DCX: variants seen among roughly 807,000 people sequenced by gnomAD.
The protein encoded by DCX is doublecortin, also known as neuronal migration protein doublecortin.
In DCX, 4 loss-of-function variants were observed where a neutral mutation model predicts 20.9. The observed-to-expected ratio is 0.19, with a 90% CI of 0.09 to 0.44. DCX has a LOEUF of 0.44. Ranked by LOEUF, DCX falls within the 20% of genes least tolerant of loss-of-function variation. The pLI is 0.99. For synonymous variants in DCX, 103 were observed against 111.4 expected, an observed-to-expected ratio of 0.92 and a Z score of 0.47; for missense variants, 133 against 296.9, an observed-to-expected ratio of 0.45 and a Z score of 4.06.
At chrX:111,365,365 A>G (rs1924539446) in intron 3 of DCX, among the ~76,000 whole-genome samples, 1 of 110,383 alleles carries the variant, frequency 9.1e-6, no homozygotes, top group South Asian at 3.9e-4. Context: ...TTGTGGGTAC[A>G]TAGTAGGTGT....
intron 2 of DCX, among the ~76,000 whole-genome samples, chrX:111,409,042 G>A (rs1928484184): frequency 9.0e-6 from 1 of 111,637 alleles, no homozygotes; most frequent in African/African-American, 3.3e-5. Flanking sequence ...CTGGATAATG[G>A]GGGAGGGGCT....
chrX:111,397,022 G>A (rs1263741874), intron 3 of DCX, among the ~76,000 whole-genome samples: 1 of 111,357 alleles, frequency 9.0e-6, no homozygotes, highest in Admixed American at 9.5e-5. Flanking sequence ...GAAAGATCAA[G>A]GGCTCTAAAA....
At chrX:111,301,798 T>G in intron 6 of DCX, 55 bp from the exon 7 acceptor site, 28 of 1,056,475 alleles carry the variant, frequency 2.7e-5, no homozygotes, top group Non-Finnish European at 3.6e-5. Flanking sequence ...TCTTGAGCTC[T>G]GGAATGTCTG....
chrX:111,341,825 C>T (rs1158370123), intron 3 of DCX, among the ~76,000 whole-genome samples: 1 of 110,585 alleles, frequency 9.0e-6, no homozygotes, highest in African/African-American at 3.3e-5. Context: ...AAACAAATGC[C>T]GAGGGATTTC....
At chrX:111,305,357 A>G (rs1383415845) in intron 6 of DCX, among the ~76,000 whole-genome samples, 1 of 112,219 alleles carries the variant, frequency 8.9e-6, no homozygotes, top group Non-Finnish European at 1.9e-5. Context: ...TTGCAACATA[A>G]TGTTATGGGA....
chrX:111,359,114 T>G (rs1452941927), intron 3 of DCX, among the ~76,000 whole-genome samples: 1 of 110,672 alleles, frequency 9.0e-6, no homozygotes, highest in African/African-American at 3.3e-5. Context: ...TAAATAACAT[T>G]TTGAAAAAAA....
At chrX:111,348,607 C>T (rs912782644) in intron 3 of DCX, among the ~76,000 whole-genome samples, 2 of 110,550 alleles carry the variant, frequency 1.8e-5, no homozygotes, top group African/African-American at 3.3e-5. Flanking sequence ...GAAACAGAGA[C>T]GAGACAGAAC....
At chrX:111,334,025 C>T (rs1921500102) in intron 3 of DCX, among the ~76,000 whole-genome samples, 1 of 112,315 alleles carries the variant, frequency 8.9e-6, no homozygotes, top group South Asian at 3.7e-4. Flanking sequence ...TATACCACCT[C>T]TTAGTTTGAA....
chrX:111,356,534 T>C (rs201601685), intron 3 of DCX, among the ~76,000 whole-genome samples: 1 of 112,477 alleles, frequency 8.9e-6, no homozygotes, highest in East Asian at 2.8e-4. Flanking sequence ...TATTTTGTTC[T>C]AAGGACGGGG....
At chrX:111,383,632 T>C (rs1429325691) in intron 3 of DCX, among the ~76,000 whole-genome samples, 1 of 111,740 alleles carries the variant, frequency 8.9e-6, no homozygotes, top group Non-Finnish European at 1.9e-5. Flanking sequence ...TTGTCCTTTA[T>C]GGCCCTATGA....
At chrX:111,329,558 G>C (rs947969634) in intron 5 of DCX, among the ~76,000 whole-genome samples, 2 of 111,352 alleles carry the variant, frequency 1.8e-5, no homozygotes, top group Admixed American at 1.9e-4. Context: ...GTATTGCAGA[G>C]ACTGGAACAA....
intron 5 of DCX, among the ~76,000 whole-genome samples, chrX:111,319,915 C>A (rs1158612947): frequency 8.9e-6 from 1 of 112,058 alleles, no homozygotes; most frequent in Admixed American, 9.5e-5. Context: ...CATATGTGTA[C>A]GTTTATATAT....
intron 3 of DCX, among the ~76,000 whole-genome samples, chrX:111,345,401 A>G (rs1461319342): frequency 8.9e-6 from 1 of 112,367 alleles, no homozygotes; most frequent in African/African-American, 3.2e-5. Flanking sequence ...ATAGGTTCTA[A>G]TTAAACTAAA....
At chrX:111,353,930 G>A (rs764231270) in intron 3 of DCX, among the ~76,000 whole-genome samples, 23 of 111,580 alleles carry the variant, frequency 2.1e-4, no homozygotes, top group Non-Finnish European at 3.8e-4. Flanking sequence ...TACAATCATC[G>A]AAACTGCTTG....
At chrX:111,341,845 A>G (rs1464912023) in intron 3 of DCX, among the ~76,000 whole-genome samples, 1 of 111,229 alleles carries the variant, frequency 9.0e-6, no homozygotes, top group Non-Finnish European at 1.9e-5. Flanking sequence ...CATTACCACT[A>G]GGCCTGCCTT....
chrX:111,296,994 T>C lies in DCX; in HGVS notation c.*4693A>G, dbSNP rs1351145468. 1 of 110,470 alleles carries C rather than the reference T, an allele frequency of 9.1e-6. No homozygotes were observed. The highest frequency in any genetic ancestry group is 1.9e-5 in the Non-Finnish European group (1 of 52,849). 9.1% of individuals were successfully genotyped at this position (110,470 alleles called of 1,213,427 possible). On this transcript the variant is annotated 3_prime_UTR_variant, in exon 7 of 7. Transcript: ENST00000636035. The stretch of plus-strand genomic sequence containing the variant: ...AGGCACCTTTTCCTGAAGGGATAGA[T>C]GGGGCAACATTCTCATGCCTCACCC...
rs1464347689 is a variant in DCX at position 111,375,371 on chromosome X, T to C, written c.705+25619A>G. Reference sequence around the variant, plus strand: ...AGAAATCTGGGGGAAAGGTACATGGTAGCCTTTTTTGTACAATTTTTACAA... The same window carrying C: ...AGAAATCTGGGGGAAAGGTACATGGCAGCCTTTTTTGTACAATTTTTACAA... On this transcript the variant is annotated intron_variant, in intron 3 of 6. Transcript: ENST00000636035. Among the ~76,000 whole-genome samples, 3 of 111,389 alleles carry C rather than the reference T, an allele frequency of 2.7e-5. No individual in the cohort carries two copies. In the Admixed American group the frequency reaches 2.9e-4, roughly 11 times the overall value.
chrX:111,400,475 G>A (rs1432784505), intron 3 of DCX, among the ~76,000 whole-genome samples: 1 of 112,025 alleles, frequency 8.9e-6, no homozygotes, highest in Non-Finnish European at 1.9e-5. Flanking sequence ...AATAAATATG[G>A]TTTAGTGTGA....
At chrX:111,360,940 T>C (rs1318849260) in intron 3 of DCX, among the ~76,000 whole-genome samples, 1 of 111,981 alleles carries the variant, frequency 8.9e-6, no homozygotes, top group Non-Finnish European at 1.9e-5. Context: ...GCTCCTGACA[T>C]TGGAGGCTGC....
Sources: gnomAD v4.1 joint callset for allele counts (sites outside exome capture counted in the v4.1 genomes callset) on GRCh38, gnomAD v4.1.1 for gene constraint, MANE v1.5 for transcripts, NCBI Gene and HGNC (gene_info 2026-07-23, HGNC 2026-07-21) for gene names.